USP44: variants seen among roughly 807,000 people sequenced by gnomAD.
The protein encoded by USP44 is ubiquitin specific peptidase 44.
USP44 carries 61 observed loss-of-function variants against 69.0 expected under a neutral mutation model. The ratio of observed to expected loss-of-function variants is 0.88; its 90% CI spans 0.72 to 1.09. The LOEUF (loss-of-function observed/expected upper bound fraction) is 1.09, where lower values mean the gene tolerates loss of function less well. Among genes scored for constraint, USP44 ranks in the 50% least tolerant of loss-of-function variants. The probability of loss-of-function intolerance (pLI) is 0.00; values close to 1 mark genes in which losing one functional copy is unlikely to be tolerated. For synonymous variants in USP44, 297 were observed against 295.4 expected (o/e 1.01, Z -0.06); for missense variants, 753 against 849.9 (o/e 0.89, Z 1.42).
intron 1 of USP44, among the ~76,000 whole-genome samples, chr12:95,536,069 G>C (rs1418626078): frequency 1.6e-5 from 2 of 127,928 alleles, no homozygotes; most frequent in Non-Finnish European, 3.1e-5. Flanking sequence ...TTGAGATAGG[G>C]TCTTGTTCTG....
intron 3 of USP44, among the ~76,000 whole-genome samples, chr12:95,527,126 G>A (rs372092363): frequency 1.1e-4 from 16 of 143,938 alleles, no homozygotes; most frequent in Admixed American, 4.3e-4. Flanking sequence ...ACAGAGTCTC[G>A]CACTGTTGCC....
chr12:95,539,138 T>C lies in USP44; in HGVS notation c.-70-4812A>G, dbSNP rs532355340. ...CTATAATTCTCATGCATTTAAAAAA[T>C]GTTTCACACTCCAAATTCAAATCAG... is the stretch of plus-strand genomic sequence containing the variant. On this transcript the variant is annotated intron_variant, in intron 1 of 5. Coordinates refer to ENST00000258499, the MANE Select transcript of USP44 (RefSeq NM_032147.5). Among the ~76,000 whole-genome samples, 5 of 152,204 alleles carry C rather than the reference T, an allele frequency of 3.3e-5. No homozygotes were observed. The South Asian group carries it at 1.0e-3, about 31-fold the overall frequency.
chr12:95,534,707 G>A (rs1180297051), intron 1 of USP44, among the ~76,000 whole-genome samples: 3 of 140,628 alleles, frequency 2.1e-5, no homozygotes, highest in African/African-American at 8.1e-5. Flanking sequence ...ACAGAGTCTT[G>A]CTCTGTGGCC....
intron 1 of USP44, among the ~76,000 whole-genome samples, chr12:95,534,677 CTT>C (rs71082032): frequency 0.23 from 32,536 of 142,030 alleles, 4,079 homozygotes; most frequent in East Asian, 0.47. Flanking sequence ...ACTGCATTCC[CTT>C]TTTTTTTTTT....
intron 1 of USP44, among the ~76,000 whole-genome samples, chr12:95,535,709 A>T (rs2077176596): frequency 6.6e-6 from 1 of 152,224 alleles, no homozygotes; most frequent in South Asian, 2.1e-4. Flanking sequence ...TTATTTAAAA[A>T]GCCGTGATCA....
chr12:95,532,092 T>C (rs1486323981), intron 2 of USP44, among the ~76,000 whole-genome samples: 1 of 152,102 alleles, frequency 6.6e-6, no homozygotes, highest in Non-Finnish European at 1.5e-5. Context: ...CCTTTGATTT[T>C]ATAGGAAGTC....
intron 1 of USP44, among the ~76,000 whole-genome samples, chr12:95,537,546 C>T (rs1307310234): frequency 4.6e-5 from 7 of 151,998 alleles, no homozygotes; most frequent in Non-Finnish European, 7.4e-5. Flanking sequence ...CTTGAGCTCC[C>T]GACCTCGTGA....
At chr12:95,519,711 C>T (rs1425053930) in intron 5 of USP44, among the ~76,000 whole-genome samples, 1 of 148,710 alleles carries the variant, frequency 6.7e-6, no homozygotes, top group Non-Finnish European at 1.5e-5. Flanking sequence ...GGATTACAAG[C>T]GTGAGCCACC....
rs1054603637 is a variant in USP44 at position 95,528,678 on chromosome 12, CTGTT to C, written c.1624+125_1624+128del. 135 of 905,468 alleles carry C rather than the reference CTGTT, an allele frequency of 1.5e-4. No homozygotes were observed. In the African/African-American group the frequency reaches 1.8e-3, roughly 12 times the overall value. 56.1% of individuals were successfully genotyped at this position (905,468 alleles called of 1,614,324 possible). A position where few individuals can be genotyped will look rare whatever the true frequency, so the allele number is the denominator to read the frequency against. On this transcript the variant is annotated intron_variant, in intron 3 of 5. Coordinates refer to ENST00000258499, the MANE Select transcript of USP44 (RefSeq NM_032147.5). ...AATGCCAATTATAAAGTGAAAACGT[CTGTT>C]TCTTTTGATGAACTGAAAAAAAGTT...
At position 95,518,194 on chromosome 12, in the gene USP44, T is replaced by C. The variant is rs200268233; in HGVS notation, c.2099A>G (p.Asn700Ser). The change falls in exon 6 of 6, where the codon AAT becomes AGT. Residue 700 changes from asparagine (N) to serine (S), a missense_variant. By Grantham distance (46) the Asn-to-Ser change is conservative. Transcript: ENST00000258499. Reference protein sequence around the residue: ...PELLLGSQHPNEDADTSSNEI... With the variant: ...PELLLGSQHPSEDADTSSNEI... ...ATTAGACGAGGTATCAGCGTCTTCA[T>C]TGGGATGTTGGCTCCCCAACAGGAG... 4.2e-5 allele frequency: 67 copies of C among 1,614,032 alleles called. No homozygotes were observed. The highest frequency in any genetic ancestry group is 1.1e-4 in the African/African-American group (8 of 74,916).
intron 1 of USP44, among the ~76,000 whole-genome samples, chr12:95,542,026 G>A (rs534865436): frequency 2.2e-4 from 33 of 152,034 alleles, no homozygotes; most frequent in East Asian, 1.7e-3. Flanking sequence ...GATTACAGGC[G>A]TGTGACACCA....
intron 4 of USP44, among the ~76,000 whole-genome samples, chr12:95,523,221 C>T (rs1477586198): frequency 6.6e-6 from 1 of 152,168 alleles, no homozygotes; most frequent in Non-Finnish European, 1.5e-5. Context: ...TGGGGGCCCT[C>T]TGGAAAATTA....
At chr12:95,523,689 C>CAAAAAAAAAAAAAAAAA (rs927669685) in intron 4 of USP44, among the ~76,000 whole-genome samples, 1 of 89,178 alleles carries the variant, frequency 1.1e-5, no homozygotes, top group Non-Finnish European at 2.4e-5. Flanking sequence ...CTGTCTCTAC[C>CAAAAAAAAAAAAAAAAA]AAAAAAAAAA....
chr12:95,520,899 CTTTG>C, intron 5 of USP44, 94 bp downstream of exon 5: 6 of 1,127,246 alleles, frequency 5.3e-6, no homozygotes, highest in East Asian at 2.4e-5. Flanking sequence ...GGTCGAGTAG[CTTTG>C]TTTATGATTT....
rs2077080165 is a variant in USP44, at chr12:95,533,193, C to A, written c.1064G>T (p.Gly355Val). 2 of 1,614,020 alleles carry A rather than the reference C, an allele frequency of 1.2e-6. No homozygotes were observed. The highest frequency in any genetic ancestry group is 1.7e-6 in the Non-Finnish European group (2 of 1,180,026). Residue 355 changes from glycine (G) to valine (V), a missense_variant, in exon 2 of 6, where the codon GGA (glycine) becomes GTA (valine). Gly to Val is a moderately radical substitution (Grantham distance 109). Coordinates refer to ENST00000258499, the MANE Select transcript of USP44 (RefSeq NM_032147.5). ...VCSRQSSLSS[G>V]LSGGASKGRK... ...ACCTTTTGATGCTCCACCACTTAGTCCTGATGACAGACTTGATTGTCTGGA... is the reference window on the plus strand; with the variant it reads ...ACCTTTTGATGCTCCACCACTTAGTACTGATGACAGACTTGATTGTCTGGA...
At chr12:95,543,116 T>C (rs2077446156) in intron 1 of USP44, among the ~76,000 whole-genome samples, 1 of 143,946 alleles carries the variant, frequency 6.9e-6, no homozygotes. Flanking sequence ...AAATAGTAAG[T>C]CCTGCCGGGC....
Position 95,518,216 on chromosome 12 carries a change from G to A in USP44, c.2077C>T (p.Leu693=), listed in dbSNP as rs2076536195. Residue 693 remains leucine, a synonymous_variant, in exon 6 of 6, where the codon CTG becomes TTG. Coordinates refer to ENST00000258499, the MANE Select transcript of USP44 (RefSeq NM_032147.5). The stretch of plus-strand genomic sequence containing the variant: ...TCATTGGGATGTTGGCTCCCCAACA[G>A]GAGCTCTGGAGGCAAAAGTTTAGAA... The part of the protein sequence containing the change: ...GHSKLLPPEL[L]LGSQHPNEDA... 1.2e-6 allele frequency: 2 copies of A among 1,614,174 alleles called. No individual in the cohort carries two copies. The highest frequency in any genetic ancestry group is 1.7e-6 in the Non-Finnish European group (2 of 1,180,038).
Position 95,548,246 on chromosome 12 carries a change from G to A in USP44, c.-71+3026C>T, listed in dbSNP as rs2077638028. The A allele has an allele frequency of 2.0e-5, 3 of 152,194 alleles. No homozygotes were observed. The highest frequency in any genetic ancestry group is 2.9e-5 in the Non-Finnish European group (2 of 68,066). The allele number at this position is 152,194 out of a possible 1,614,324, so 9.4% of individuals were successfully genotyped here. On this transcript the variant is annotated intron_variant, in intron 1 of 5. Coordinates refer to ENST00000258499, the MANE Select transcript of USP44 (RefSeq NM_032147.5). This position sits in a 1 kb window ranked among gnomAD's most constrained non-coding sequence, Gnocchi z 4.1. ...CAACCGCCCTCCCGAAGTGCCCCGG[G>A]GCTTCGAGCATCACCTCGCGGTAAT... is the stretch of plus-strand genomic sequence containing the variant.
At chr12:95,527,914 C>G (rs1035327855) in intron 3 of USP44, among the ~76,000 whole-genome samples, 3 of 148,112 alleles carry the variant, frequency 2.0e-5, no homozygotes, top group Non-Finnish European at 4.4e-5. Flanking sequence ...TCTCAGCTCA[C>G]TGCAACCTCT....
Sources: gnomAD v4.1 joint callset for allele counts (sites outside exome capture counted in the v4.1 genomes callset) on GRCh38, gnomAD v4.1.1 for gene constraint, Gnocchi (gnomAD v3.1) non-coding constraint, MANE v1.5 for transcripts, NCBI Gene and HGNC (gene_info 2026-07-23, HGNC 2026-07-21) for gene names.